Variants in GRID1 observed in about 807,000 individuals in gnomAD.
GRID1 encodes glutamate receptor ionotropic, delta-1.
GRID1 carries 28 observed loss-of-function variants against 98.0 expected under a neutral mutation model. The ratio of observed to expected loss-of-function variants is 0.29; its 90% CI spans 0.21 to 0.39. The LOEUF (loss-of-function observed/expected upper bound fraction) is 0.39, where lower values mean the gene tolerates loss of function less well. Among genes scored for constraint, GRID1 ranks in the 10% least tolerant of loss-of-function variants. The probability of loss-of-function intolerance (pLI) is 1.00; values close to 1 mark genes in which losing one functional copy is unlikely to be tolerated. For missense variants in GRID1, 1,111 were observed against 1,340.5 expected (o/e 0.83, Z 2.67); for synonymous variants, 553 against 538.5 (o/e 1.03, Z -0.37).
chr10:86,188,280 T>C (rs1325017919), intron 3 of GRID1, among the ~76,000 whole-genome samples: 1 of 152,230 alleles, frequency 6.6e-6, no homozygotes, highest in East Asian at 1.9e-4. Flanking sequence ...CCTGCATGGC[T>C]AGAATGCCCG....
intron 3 of GRID1, among the ~76,000 whole-genome samples, chr10:86,185,329 T>A (rs1038746118): frequency 6.6e-6 from 1 of 152,198 alleles, no homozygotes; most frequent in African/African-American, 2.4e-5. Context: ...TTTTTTAGAC[T>A]GCAATGTTGC....
At chr10:85,754,037 T>C (rs1477401039) in intron 8 of GRID1, among the ~76,000 whole-genome samples, 1 of 152,078 alleles carries the variant, frequency 6.6e-6, no homozygotes, top group African/African-American at 2.4e-5. Flanking sequence ...AAAAAAAAAC[T>C]AAAAAGAAAT....
chr10:85,841,174 A>C lies in GRID1; in HGVS notation c.1233+13322T>G, dbSNP rs373317807. Among the ~76,000 whole-genome samples, 4 of 152,270 alleles carry C rather than the reference A, an allele frequency of 2.6e-5. No homozygotes were observed. The East Asian group carries it at 7.7e-4, about 29-fold the overall frequency. On this transcript the variant is annotated intron_variant, in intron 8 of 15. Transcript: ENST00000327946. ...CAAAAGAACAGAAAAGAAAACCCAC[A>C]AATAAGTCCACACACATACAACTAC...
At chr10:85,936,385 A>G (rs974933735) in intron 4 of GRID1, among the ~76,000 whole-genome samples, 2 of 152,272 alleles carry the variant, frequency 1.3e-5, no homozygotes, top group African/African-American at 4.8e-5. Flanking sequence ...GCCAGAGCTG[A>G]TATAAGAGGC....
At chr10:85,693,550 T>TA (rs148374714) in intron 12 of GRID1, among the ~76,000 whole-genome samples, 5,869 of 150,376 alleles carry the variant, frequency 0.039, 262 homozygotes, top group African/African-American at 0.11. Flanking sequence ...AAGGCTATAG[T>TA]AAAAAAAAAC....
chr10:86,366,315 G>T lies in GRID1; in HGVS notation c.78C>A (p.Ile26=), dbSNP rs61856638. The T allele has an allele frequency of 1.3e-4, 195 of 1,494,744 alleles. No homozygotes were observed. The African/African-American group carries it at 2.7e-3, about 21-fold the overall frequency. 92.6% of individuals were successfully genotyped at this position (1,494,744 alleles called of 1,614,324 possible). Residue 26 remains isoleucine, a splice_region_variant and synonymous_variant, in exon 1 of 16, where the codon ATC becomes ATA. Transcript: ENST00000327946. The surrounding 1 kb of genome is among the most constrained non-coding windows in gnomAD (Gnocchi z 4.1). ...GGCCCGGCCTCCAGCCGCGCTTACC[G>T]ATGTGGATGATGGAGTCGGCCCGCA... is the stretch of plus-strand genomic sequence containing the variant. The part of the protein sequence containing the change: ...VSVRADSIIH[I]GAIFEENAAK...
intron 2 of GRID1, among the ~76,000 whole-genome samples, chr10:86,212,984 T>G (rs144643234): frequency 6.6e-6 from 1 of 152,108 alleles, no homozygotes; most frequent in Non-Finnish European, 1.5e-5. Flanking sequence ...CCGTCCCTCC[T>G]GCAGAAGACG....
intron 3 of GRID1, among the ~76,000 whole-genome samples, chr10:86,163,263 A>G (rs1026429804): frequency 6.6e-6 from 1 of 152,150 alleles, no homozygotes; most frequent in Non-Finnish European, 1.5e-5. Flanking sequence ...GGGCCATGGC[A>G]CTGCCAGCTG....
chr10:85,827,866 C>A (rs76966259), intron 8 of GRID1, among the ~76,000 whole-genome samples: 3 of 152,028 alleles, frequency 2.0e-5, no homozygotes, highest in African/African-American at 7.2e-5. Flanking sequence ...TTATAGTATT[C>A]GACAGATCGT....
rs530215318 is a variant in GRID1, at chr10:86,098,064, C to A, written c.726+40755G>T. Among the ~76,000 whole-genome samples the A allele has an allele frequency of 3.9e-5, 6 of 152,310 alleles. No homozygotes were observed. The South Asian group carries it at 1.0e-3, about 26-fold the overall frequency. On this transcript the variant is annotated intron_variant, in intron 4 of 15. Transcript: ENST00000327946. ...AAAATACCACACAAGATAAGTAGTT[C>A]TTTGACTCAGTTTTGCTAACCATGG...
intron 4 of GRID1, among the ~76,000 whole-genome samples, chr10:86,135,432 C>T (rs1388458950): frequency 1.3e-5 from 2 of 152,162 alleles, no homozygotes; most frequent in Admixed American, 1.3e-4. Flanking sequence ...GCCCCCAGGC[C>T]TGGGATCCGG....
intron 5 of GRID1, among the ~76,000 whole-genome samples, chr10:85,904,302 C>CA (rs1308279916): frequency 6.6e-6 from 1 of 152,186 alleles, no homozygotes; most frequent in Non-Finnish European, 1.5e-5. Context: ...AGCGATCCTT[C>CA]AAGACAGGAA....
At chr10:86,088,130 T>C (rs1259385475) in intron 4 of GRID1, among the ~76,000 whole-genome samples, 1 of 152,208 alleles carries the variant, frequency 6.6e-6, no homozygotes, top group East Asian at 1.9e-4. Flanking sequence ...AATTCTCAAG[T>C]TTCCCCAGAG....
intron 8 of GRID1, among the ~76,000 whole-genome samples, chr10:85,807,892 T>G (rs1393740525): frequency 1.3e-5 from 2 of 152,212 alleles, no homozygotes; most frequent in Non-Finnish European, 2.9e-5. Context: ...GAGAAACTCT[T>G]GTACATCAGT....
At chr10:85,768,351 A>G (rs1222866041) in intron 8 of GRID1, among the ~76,000 whole-genome samples, 1 of 152,202 alleles carries the variant, frequency 6.6e-6, no homozygotes, top group African/African-American at 2.4e-5. Context: ...AAAATTATTT[A>G]AAATGTAGAG....
chr10:85,706,526 G>C (rs1404707424), intron 12 of GRID1, among the ~76,000 whole-genome samples: 1 of 152,094 alleles, frequency 6.6e-6, no homozygotes, highest in Non-Finnish European at 1.5e-5. Flanking sequence ...CGTGAAAATG[G>C]CCATACTGCC....
At chr10:85,837,769 C>T (rs72842916) in intron 8 of GRID1, among the ~76,000 whole-genome samples, 8,191 of 152,172 alleles carry the variant, frequency 0.054, 537 homozygotes, top group East Asian at 0.26. Flanking sequence ...TCCAAATGAC[C>T]GCATCATCTC....
At chr10:86,173,592 T>TTATTAC (rs1845526939) in intron 3 of GRID1, among the ~76,000 whole-genome samples, 1 of 150,614 alleles carries the variant, frequency 6.6e-6, no homozygotes, top group Non-Finnish European at 1.5e-5. Flanking sequence ...TATTTTATTA[T>TTATTAC]ACTTTAAGTT....
chr10:86,365,002 A>C lies in GRID1; in HGVS notation c.80-906T>G, dbSNP rs184073796. Among the ~76,000 whole-genome samples, 335 of 152,082 alleles carry C rather than the reference A, an allele frequency of 2.2e-3. No individual in the cohort carries two copies. Among genetic ancestry groups the C allele is most frequent in the Middle Eastern group, 3.4e-3 (1 of 294 alleles). On this transcript the variant is annotated intron_variant, in intron 1 of 15. Coordinates refer to ENST00000327946, the MANE Select transcript of GRID1 (RefSeq NM_017551.3). The surrounding 1 kb of genome is among the most constrained non-coding windows in gnomAD (Gnocchi z 4.8). ...GACAGCTCTGGAGTCAGCCACCCAC[A>C]TCCCGCCTCACCAAGCCTCGAGGGT... is the stretch of plus-strand genomic sequence containing the variant.
Sources: allele counts gnomAD v4.1 joint callset (sites outside exome capture counted in the v4.1 genomes callset), GRCh38; gene constraint gnomAD v4.1.1; non-coding constraint Gnocchi (gnomAD v3.1); transcripts MANE v1.5; gene names NCBI Gene and HGNC (gene_info 2026-07-23, HGNC 2026-07-21).